PWWP3A: variants seen among roughly 807,000 people sequenced by gnomAD.
The protein encoded by PWWP3A is PWWP domain containing 3A, DNA repair factor, also known as PWWP domain-containing DNA repair factor 3A.
In PWWP3A, 53 loss-of-function variants were observed where a neutral mutation model predicts 79.0. That is an observed-to-expected ratio of 0.67 (90% confidence interval 0.54 to 0.84). The LOEUF is 0.84. Ranked by LOEUF, PWWP3A falls within the 40% of genes least tolerant of loss-of-function variation. PWWP3A has a pLI of 0.00. For missense variants in PWWP3A, 973 were observed against 948.0 expected (o/e 1.03, Z -0.35); for synonymous variants, 443 against 394.4 (o/e 1.12, Z -1.46).
intron 13 of PWWP3A, among the ~76,000 whole-genome samples, chr19:1,375,537 T>TA (rs1162661703): frequency 0.01 from 994 of 96,172 alleles, 7 homozygotes; most frequent in Non-Finnish European, 0.014. Flanking sequence ...ATTTATATAT[T>TA]TTATATATAA....
At chr19:1,371,589 G>A in intron 12 of PWWP3A, 2 of 597,848 alleles carry the variant, frequency 3.3e-6, no homozygotes, top group South Asian at 4.0e-5. Context: ...GCTTGGTGAG[G>A]AGCAAATACA....
At chr19:1,367,826 C>A in intron 9 of PWWP3A, among the ~76,000 whole-genome samples, 1 of 152,230 alleles carries the variant, frequency 6.6e-6, no homozygotes, top group East Asian at 1.9e-4. Context: ...GTTGTGGCGA[C>A]TTCCAGCACC....
At chr19:1,371,440 G>A (rs1015713785) in intron 12 of PWWP3A, 13 of 701,458 alleles carry the variant, frequency 1.9e-5, no homozygotes, top group African/African-American at 1.0e-4. Flanking sequence ...AGTCAGAATC[G>A]CATTTAGTAC....
chr19:1,360,560 T>A lies in PWWP3A; in HGVS notation c.639T>A (p.Leu213=), dbSNP rs2081988601. The A allele has an allele frequency of 6.2e-7, 1 of 1,614,030 alleles. No homozygotes were observed. Among genetic ancestry groups the A allele is most frequent in the African/African-American group, 1.3e-5 (1 of 74,914 alleles). Reference sequence around the variant, plus strand: ...GAATCCACCACAAAAATTGGACTCTTGCAAGTAAGAGGGGAGGAAACTCAG... The same window carrying A: ...GAATCCACCACAAAAATTGGACTCTAGCAAGTAAGAGGGGAGGAAACTCAG... ...GSRIHHKNWT[L]ASKRGGNSAQ... is the part of the protein sequence containing the mutation. The change falls in exon 5 of 14, where the codon CTT becomes CTA. Residue 213 remains leucine, a synonymous_variant. Coordinates refer to ENST00000591337, the MANE Select transcript of PWWP3A (RefSeq NM_001369789.1). The surrounding 1 kb of genome is among the most constrained non-coding windows in gnomAD (Gnocchi z 4.4).
intron 6 of PWWP3A, among the ~76,000 whole-genome samples, chr19:1,362,964 G>T (rs183205779): frequency 6.6e-6 from 1 of 152,234 alleles, no homozygotes; most frequent in South Asian, 2.1e-4. Flanking sequence ...CTTGAGACTC[G>T]CCCGTGAACC....
Position 1,372,932 on chromosome 19 carries a change from G to A in PWWP3A, c.1987-140G>A, listed in dbSNP as rs73513072. On this transcript the variant is annotated intron_variant, in intron 12 of 13. Transcript: ENST00000591337. ...AAGCAGGGATTCATGGACTAGGTTT[G>A]CACCTTCTGAACCATGAGCTAGACC... 2,571 of 641,686 alleles carry A rather than the reference G, an allele frequency of 4.0e-3. 29 individuals are homozygous for A. The highest frequency in any genetic ancestry group is 0.03 in the African/African-American group (1,620 of 54,890). 39.7% of individuals were successfully genotyped at this position (641,686 alleles called of 1,614,324 possible). A position where few individuals can be genotyped will look rare whatever the true frequency, so the allele number is the denominator to read the frequency against.
Position 1,356,656 on chromosome 19 carries a change from TAA to T in PWWP3A, c.57+219_57+220del, listed in dbSNP as rs11396582. On this transcript the variant is annotated intron_variant, in intron 2 of 13. Transcript: ENST00000591337. Reference sequence around the variant, plus strand: ...CAGAAATGTCTTTTTTTTTTCACACTAAAAAAAAAAAAAGAATCAGCTGTAAA... The same window carrying T: ...CAGAAATGTCTTTTTTTTTTCACACTAAAAAAAAAAAGAATCAGCTGTAAA... 1.4e-3 allele frequency among the ~76,000 whole-genome samples: 205 copies of T among 141,604 alleles called. 2 individuals carry two copies. The highest frequency in any genetic ancestry group is 4.8e-3 in the African/African-American group (185 of 38,182). 92.9% of individuals were successfully genotyped at this position (141,604 alleles called of 152,430 possible).
chr19:1,370,689 C>G lies in PWWP3A; in HGVS notation c.1597C>G (p.Leu533Val), dbSNP rs1253647983. The G allele has an allele frequency of 2.8e-6, 4 of 1,454,158 alleles. No individual in the cohort carries two copies. The Admixed American group carries it at 1.1e-4, about 41-fold the overall frequency. The allele number at this position is 1,454,158 out of a possible 1,614,324, so 90.1% of individuals were successfully genotyped here. Residue 533 changes from leucine (L) to valine (V), a missense_variant, in exon 12 of 14, where the codon CTT (leucine) becomes GTT (valine). By Grantham distance (32) the Leu-to-Val change is conservative. Coordinates refer to ENST00000591337, the MANE Select transcript of PWWP3A (RefSeq NM_001369789.1). The stretch of plus-strand genomic sequence containing the variant: ...CCAGCAGGACGTCTTGGGGACCAAG[C>G]TTCCTCAACTGAGCAAGGGGAGCCC... ...SIQQDVLGTK[L>V]PQLSKGSPEE...
chr19:1,371,578 G>C (rs1042107985), intron 12 of PWWP3A: 1 of 604,580 alleles, frequency 1.7e-6, no homozygotes, highest in African/African-American at 1.8e-5. Flanking sequence ...GCGGATTTGG[G>C]GCTTGGTGAG....
At chr19:1,374,091 C>G (rs2082315924) in intron 13 of PWWP3A, 1 of 152,212 alleles carries the variant, frequency 6.6e-6, no homozygotes, top group South Asian at 2.1e-4. Context: ...AGGTCGGAGC[C>G]AGGACACCTG....
At chr19:1,366,695 A>T (rs572406389) in intron 8 of PWWP3A, among the ~76,000 whole-genome samples, 15 of 152,326 alleles carry the variant, frequency 9.8e-5, no homozygotes, top group African/African-American at 3.6e-4. Context: ...AAACCAGCAA[A>T]ATGTCCACGC....
rs757142140 is a variant in PWWP3A at position 1,364,566 on chromosome 19, T to C, written c.1271T>C (p.Phe424Ser). ...LVWHKHKKYP[F>S]WPAVVKSVRQ... ...TGGCATAAACATAAAAAATACCCCT[T>C]CTGGCCAGCAGTGGTAAGAACAGCT... The change falls in exon 7 of 14, where the codon TTC becomes TCC. Residue 424 changes from phenylalanine (F) to serine (S), a missense_variant. By Grantham distance (155) the Phe-to-Ser change is radical. Transcript: ENST00000591337. 1 of 1,608,422 alleles carries C rather than the reference T, an allele frequency of 6.2e-7. No homozygotes were observed. The highest frequency in any genetic ancestry group is 1.1e-5 in the South Asian group (1 of 89,222).
In PWWP3A at chr19:1,371,012, G is replaced by T. The variant is rs1477619993; in HGVS notation, c.1920G>T (p.Gly640=). Residue 640 remains glycine (G), a synonymous_variant, in exon 12 of 14, where the codon GGG becomes GGT. Transcript: ENST00000591337. ...KYLQGVYQEV[G]AKVLQRTNGD... ...TGCAGGGCGTCTACCAGGAGGTGGG[G>T]GCCAAGGTGCTCCAGCGCACCAACG... The T allele has an allele frequency of 6.4e-7, 1 of 1,573,490 alleles. No individual in the cohort carries two copies. Among genetic ancestry groups the T allele is most frequent in the East Asian group, 2.3e-5 (1 of 42,684 alleles).
At position 1,359,956 on chromosome 19, in the gene PWWP3A, GTT is replaced by G. The variant is rs1464878859; in HGVS notation, c.215-179_215-178del. 19 of 587,498 alleles carry G rather than the reference GTT, an allele frequency of 3.2e-5. No individual in the cohort carries two copies. The African/African-American group carries it at 3.5e-4, about 11-fold the overall frequency. The allele number at this position is 587,498 out of a possible 1,614,324, so 36.4% of individuals were successfully genotyped here. ...TCGAATCCCGGAATGAATAGCTGTC[GTT>G]CTGTAGCCTCGTCTCCTTTTTGGGA... is the stretch of plus-strand genomic sequence containing the variant. On this transcript the variant is annotated intron_variant, in intron 4 of 13. Transcript: ENST00000591337.
At position 1,369,118 on chromosome 19, in the gene PWWP3A, G is replaced by GC. The variant is rs965077616; in HGVS notation, c.1423-142dup. 3 of 673,906 alleles carry GC rather than the reference G, an allele frequency of 4.5e-6. No individual in the cohort carries two copies. Among genetic ancestry groups the GC allele is most frequent in the African/African-American group, 1.8e-5 (1 of 55,748 alleles). 41.7% of individuals were successfully genotyped at this position (673,906 alleles called of 1,614,324 possible). A position where few individuals can be genotyped will look rare whatever the true frequency, so the allele number is the denominator to read the frequency against. On this transcript the variant is annotated intron_variant, in intron 9 of 13. Coordinates refer to ENST00000591337, the MANE Select transcript of PWWP3A (RefSeq NM_001369789.1). The surrounding 1 kb of genome is among the most constrained non-coding windows in gnomAD (Gnocchi z 4.0). ...GTCCCTGTGCGAGGCGTCTGCCAGAGCCCCCTTTGTCAGGGAGGGTCAGAG... is the reference window on the plus strand; with the variant it reads ...GTCCCTGTGCGAGGCGTCTGCCAGAGCCCCCCTTTGTCAGGGAGGGTCAGAG...
Position 1,364,528 on chromosome 19 carries a change from A to G in PWWP3A, c.1233A>G (p.Val411=), listed in dbSNP as rs1453722851. 2 of 1,604,776 alleles carry G rather than the reference A, an allele frequency of 1.2e-6. No homozygotes were observed. The highest frequency in any genetic ancestry group is 2.2e-5 in the East Asian group (1 of 44,848). The change falls in exon 7 of 14, where the codon GTA becomes GTG. Residue 411 remains valine (V), a synonymous_variant. Transcript: ENST00000591337. ...LLYHEPRSFE[V]GMLVWHKHKK... ...TTCTAGAACCACGTTCGTTTGAAGT[A>G]GGAATGCTAGTCTGGCATAAACATA...
chr19:1,367,598 C>T lies in PWWP3A; in HGVS notation c.1422+378C>T, dbSNP rs1161282907. Among the ~76,000 whole-genome samples the T allele has an allele frequency of 2.0e-5, 3 of 152,232 alleles. No individual in the cohort carries two copies. In the East Asian group the frequency reaches 5.8e-4, roughly 29 times the overall value. On this transcript the variant is annotated intron_variant, in intron 9 of 13. Transcript: ENST00000591337. ...TGTCACGGTGGCCTCGGTAGCCAGCCCCTTGCGGCCGGGGGCGTCCCTAGC... is the reference window on the plus strand; with the variant it reads ...TGTCACGGTGGCCTCGGTAGCCAGCTCCTTGCGGCCGGGGGCGTCCCTAGC...
Position 1,360,406 on chromosome 19 carries a change from G to C in PWWP3A, c.485G>C (p.Ser162Thr), listed in dbSNP as rs1411637811. ...CCATGTGTGCAACAAAGCCTGTCAA[G>C]TTCGTTCACTTGTGAAAAGGACCCC... ...RRPCVQQSLS[S>T]SFTCEKDPEC... The change falls in exon 5 of 14, where the codon AGT (serine) becomes ACT (threonine). Residue 162 changes from serine (S) to threonine (T), a missense_variant. Physicochemically the swap from Ser to Thr is moderately conservative, Grantham distance 58. Transcript: ENST00000591337. The surrounding 1 kb of genome is among the most constrained non-coding windows in gnomAD (Gnocchi z 4.4). 6.2e-7 allele frequency: 1 copy of C among 1,614,024 alleles called. No homozygotes were observed. Among genetic ancestry groups the C allele is most frequent in the Non-Finnish European group, 8.5e-7 (1 of 1,180,050 alleles).
At chr19:1,375,893 C>G (rs1398564586) in intron 13 of PWWP3A, among the ~76,000 whole-genome samples, 1 of 149,018 alleles carries the variant, frequency 6.7e-6, no homozygotes, top group South Asian at 2.1e-4. Flanking sequence ...GCAACCCCCC[C>G]ACCGTGCCTT....
Sources: gnomAD v4.1 joint callset for allele counts (sites outside exome capture counted in the v4.1 genomes callset) on GRCh38, gnomAD v4.1.1 for gene constraint, Gnocchi (gnomAD v3.1) non-coding constraint, MANE v1.5 for transcripts, NCBI Gene and HGNC (gene_info 2026-07-23, HGNC 2026-07-21) for gene names.